The following ARL5C variants were observed in gnomAD, a reference collection of about 807,000 sequenced individuals.
ARL5C encodes putative ADP-ribosylation factor-like protein 5C.
Under a neutral mutation model 20.8 loss-of-function variants are expected in ARL5C, and 21 were observed. The observed-to-expected ratio is 1.01, with a 90% CI of 0.72 to 1.46. The LOEUF (loss-of-function observed/expected upper bound fraction) is 1.46. Ranked by LOEUF, ARL5C falls within the 40% of genes most tolerant of loss-of-function variation. ARL5C has a pLI of 0.00. For synonymous variants in ARL5C, 71 were observed against 81.6 expected (o/e 0.87, Z 0.70); for missense variants, 199 against 225.1 (o/e 0.88, Z 0.74).
chr17:39,165,929 GC>G lies in ARL5C; in HGVS notation c.-170del. ...GACCTGGGAACCCTCTGGGACGCTG[GC>G]CCTTCGTGGGCACTATGGACACCCC... On this transcript the variant is annotated 5_prime_UTR_variant, in exon 1 of 6. Coordinates refer to ENST00000269586, the MANE Select transcript of ARL5C (RefSeq NM_001143968.1). 1.4e-6 allele frequency: 1 copy of G among 725,238 alleles called. No individual in the cohort carries two copies. The highest frequency in any genetic ancestry group is 1.8e-5 in the South Asian group (1 of 56,400). The allele number at this position is 725,238 out of a possible 1,614,324, so 44.9% of individuals were successfully genotyped here. A position where few individuals can be genotyped will look rare whatever the true frequency, so the allele number is the denominator to read the frequency against.
rs771073875 is a variant in ARL5C, at chr17:39,160,578, G to A, written c.491+13C>T. On this transcript the variant is annotated intron_variant, in intron 5 of 5. Transcript: ENST00000269586. The stretch of plus-strand genomic sequence containing the variant: ...AGCCAGGCCCTAGAGATCCAGGTAG[G>A]GCAGCCACTAACCCTTCCCTGGTGA... 8.4e-6 allele frequency: 13 copies of A among 1,551,330 alleles called. No homozygotes were observed. In the African/African-American group the frequency reaches 1.6e-4, roughly 20 times the overall value.
intron 3 of ARL5C, among the ~76,000 whole-genome samples, chr17:39,161,844 G>T (rs2045437000): frequency 6.6e-6 from 1 of 152,148 alleles, no homozygotes; most frequent in Non-Finnish European, 1.5e-5. Flanking sequence ...CCAGACATGG[G>T]AATAGCACAC....
chr17:39,162,926 C>G, intron 2 of ARL5C, 68 bp from the exon 3 acceptor site: 1 of 1,517,528 alleles, frequency 6.6e-7, no homozygotes, highest in South Asian at 1.2e-5. Context: ...CCCAAATGCT[C>G]TACTCCCAAA....
At position 39,162,549 on chromosome 17, in the gene ARL5C, C is replaced by T. The variant is rs187097291; in HGVS notation, c.255+162G>A. On this transcript the variant is annotated intron_variant, in intron 3 of 5. Coordinates refer to ENST00000269586, the MANE Select transcript of ARL5C (RefSeq NM_001143968.1). The stretch of plus-strand genomic sequence containing the variant: ...CTCTTGACCTCAGGTGATCCACCCG[C>T]CTTGGACTCCCAAAGTGCTGGGATT... 1.4e-3 allele frequency among the ~76,000 whole-genome samples: 212 copies of T among 152,262 alleles called. 2 individuals carry two copies. The Middle Eastern group carries it at 0.017, about 12-fold the overall frequency.
At chr17:39,163,391 T>C (rs1028791968) in intron 2 of ARL5C, among the ~76,000 whole-genome samples, 1 of 148,380 alleles carries the variant, frequency 6.7e-6, no homozygotes, top group African/African-American at 2.6e-5. Context: ...TCTTTCTTTC[T>C]TTCTCTCTTT....
intron 5 of ARL5C, among the ~76,000 whole-genome samples, chr17:39,157,162 T>C (rs1454275752): frequency 6.6e-6 from 1 of 152,274 alleles, no homozygotes; most frequent in Non-Finnish European, 1.5e-5. Flanking sequence ...TGAGGCTTAC[T>C]GTCTAGTAGA....
chr17:39,160,650 G>C lies in ARL5C; in HGVS notation c.432C>G (p.Leu144=). Residue 144 remains leucine (L), a synonymous_variant, in exon 5 of 6, where the codon CTC becomes CTG. Coordinates refer to ENST00000269586, the MANE Select transcript of ARL5C (RefSeq NM_001143968.1). Reference sequence around the variant, plus strand: ...GCCACGAGTGGTCTTTGATGGTGCTGAGAGTAAGGAAATGGGAGATCTCCA... The same window carrying C: ...GCCACGAGTGGTCTTTGATGGTGCTCAGAGTAAGGAAATGGGAGATCTCCA... ...RMVEISHFLT[L]STIKDHSWHI... 5 of 1,549,486 alleles carry C rather than the reference G, an allele frequency of 3.2e-6. No homozygotes were observed. Among genetic ancestry groups the C allele is most frequent in the Non-Finnish European group, 4.4e-6 (5 of 1,146,126 alleles).
intron 3 of ARL5C, 115 bp downstream of exon 3, chr17:39,162,596 C>T (rs1481181887): frequency 1.8e-5 from 23 of 1,312,492 alleles, no homozygotes; most frequent in East Asian, 5.2e-5. Flanking sequence ...CCACAGGAAC[C>T]GACCATTATA....
intron 4 of ARL5C, 39 bp from the exon 5 acceptor site, chr17:39,160,781 T>C (rs1378010326): frequency 2.6e-6 from 4 of 1,545,128 alleles, no homozygotes; most frequent in Admixed American, 2.0e-5. Flanking sequence ...AGCCTGCTAG[T>C]GCCCAGCCTT....
intron 2 of ARL5C, among the ~76,000 whole-genome samples, chr17:39,164,815 T>G (rs917053833): frequency 3.6e-4 from 55 of 152,080 alleles, no homozygotes; most frequent in Non-Finnish European, 1.5e-4. Context: ...TTTGGGACAC[T>G]TGGCAGGCCT....
chr17:39,158,248 C>T (rs1055857163), intron 5 of ARL5C, among the ~76,000 whole-genome samples: 2 of 152,106 alleles, frequency 1.3e-5, no homozygotes, highest in African/African-American at 4.8e-5. Context: ...CCTGACCCAG[C>T]GGGTGGCAAG....
chr17:39,160,569 T>C (rs747142751), intron 5 of ARL5C, 22 bp downstream of exon 5: 1 of 1,550,738 alleles, frequency 6.4e-7, no homozygotes. Flanking sequence ...GCCCTAGAGA[T>C]CCAGGTAGGG....
At chr17:39,158,647 G>T (rs1050018745) in intron 5 of ARL5C, among the ~76,000 whole-genome samples, 3 of 151,412 alleles carry the variant, frequency 2.0e-5, no homozygotes, top group Non-Finnish European at 2.9e-5. Context: ...TGTGTGCCCA[G>T]CCTGCCATGA....
intron 3 of ARL5C, 84 bp downstream of exon 3, chr17:39,162,627 G>A: frequency 6.9e-7 from 1 of 1,458,728 alleles, no homozygotes; most frequent in Non-Finnish European, 9.2e-7. Context: ...CACAAGTTGG[G>A]GAACCAAGGC....
At chr17:39,163,687 C>A (rs924816352) in intron 2 of ARL5C, among the ~76,000 whole-genome samples, 1 of 147,898 alleles carries the variant, frequency 6.8e-6, no homozygotes, top group African/African-American at 2.6e-5. Context: ...CCACCGCATC[C>A]GGCCACAGTT....
intron 3 of ARL5C, among the ~76,000 whole-genome samples, chr17:39,162,434 G>A (rs576438177): frequency 2.0e-4 from 31 of 152,186 alleles, no homozygotes; most frequent in South Asian, 4.2e-4. Flanking sequence ...CCGAGTAGCT[G>A]GGATTACAGG....
rs2144046980 is a variant in ARL5C, at chr17:39,162,855, C to T, written c.111G>A (p.Leu37=). 1 of 1,550,142 alleles carries T rather than the reference C, an allele frequency of 6.5e-7. No homozygotes were observed. The highest frequency in any genetic ancestry group is 8.7e-7 in the Non-Finnish European group (1 of 1,146,874). Residue 37 remains leucine (L), a synonymous_variant, in exon 3 of 6, where the codon TTG becomes TTA. Coordinates refer to ENST00000269586, the MANE Select transcript of ARL5C (RefSeq NM_001143968.1). ...GACACATATGGACCACCTCATTGGT[C>T]AAGCTGGGGAGGTAGGAGTGGGCAC... ...EGKTTILYRF[L]TNEVVHMCPT...
chr17:39,165,989 G>A lies in ARL5C; in HGVS notation c.-229C>T, dbSNP rs1330284913. On this transcript the variant is annotated 5_prime_UTR_variant, in exon 1 of 6. Transcript: ENST00000269586. ...AGGGCTGCCTGTCCCGGGCCCAAGA[G>A]GTGCAAGGAATATGGGGGTTCCAGG... 1 of 575,932 alleles carries A rather than the reference G, an allele frequency of 1.7e-6. No individual in the cohort carries two copies. The highest frequency in any genetic ancestry group is 3.1e-6 in the Non-Finnish European group (1 of 322,820). The allele number at this position is 575,932 out of a possible 1,614,324, so 35.7% of individuals were successfully genotyped here. A position where few individuals can be genotyped will look rare whatever the true frequency, so the allele number is the denominator to read the frequency against.
chr17:39,158,742 C>T (rs2045419202), intron 5 of ARL5C, among the ~76,000 whole-genome samples: 1 of 152,138 alleles, frequency 6.6e-6, no homozygotes, highest in Admixed American at 6.6e-5. Flanking sequence ...TTAAAATCCT[C>T]CAGGTGATTA....
Sources: allele counts gnomAD v4.1 joint callset (sites outside exome capture counted in the v4.1 genomes callset), GRCh38; gene constraint gnomAD v4.1.1; transcripts MANE v1.5; gene names NCBI Gene and HGNC (gene_info 2026-07-23, HGNC 2026-07-21).